The following SLC2A13 variants were observed in gnomAD, a reference collection of about 807,000 sequenced individuals.
SLC2A13 encodes the protein solute carrier family 2 member 13, also known as proton myo-inositol cotransporter.
SLC2A13 carries 32 observed loss-of-function variants against 64.4 expected under a neutral mutation model. The ratio of observed to expected loss-of-function variants is 0.50; its 90% confidence interval spans 0.37 to 0.67. SLC2A13 has a LOEUF of 0.67. Ranked by LOEUF, SLC2A13 falls within the 30% of genes least tolerant of loss-of-function variation. The probability of loss-of-function intolerance (pLI) is 0.00; values close to 1 mark genes in which losing one functional copy is unlikely to be tolerated. For missense variants in SLC2A13, 743 were observed against 829.2 expected, an observed-to-expected ratio of 0.90 and a Z score of 1.28; for synonymous variants, 338 against 327.1, an observed-to-expected ratio of 1.03 and a Z score of -0.36.
chr12:39,999,321 T>A (rs887261789), intron 3 of SLC2A13, among the ~76,000 whole-genome samples: 1 of 152,162 alleles, frequency 6.6e-6, no homozygotes, highest in African/African-American at 2.4e-5. Context: ...AAGAGCCATA[T>A]TTTTCTTCTT....
chr12:40,097,755 G>A (rs1939000851), intron 1 of SLC2A13, among the ~76,000 whole-genome samples: 1 of 152,136 alleles, frequency 6.6e-6, no homozygotes, highest in Non-Finnish European at 1.5e-5. Flanking sequence ...TTGAGAAATT[G>A]GAACCCTGTA....
chr12:39,840,652 T>C (rs1943156690), intron 6 of SLC2A13, among the ~76,000 whole-genome samples: 1 of 152,064 alleles, frequency 6.6e-6, no homozygotes, highest in African/African-American at 2.4e-5. Context: ...TGTTCCTCTA[T>C]GCAACTTCCT....
intron 6 of SLC2A13, chr12:39,830,609 A>G: frequency 2.7e-6 from 1 of 373,802 alleles, no homozygotes; most frequent in Non-Finnish European, 3.7e-6. Flanking sequence ...AGTTGCATCA[A>G]AGCATTCATT....
chr12:39,894,235 T>C (rs1056853619), intron 4 of SLC2A13, among the ~76,000 whole-genome samples: 1 of 152,236 alleles, frequency 6.6e-6, no homozygotes, highest in African/African-American at 2.4e-5. Flanking sequence ...GTAAGTAACA[T>C]GACTATCTTA....
intron 3 of SLC2A13, among the ~76,000 whole-genome samples, chr12:39,973,650 C>G (rs1464471038): frequency 6.6e-6 from 1 of 152,186 alleles, no homozygotes; most frequent in Non-Finnish European, 1.5e-5. Context: ...CAGCATTCCC[C>G]CCTTCATGAA....
At chr12:40,030,026 C>A (rs778063774) in intron 2 of SLC2A13, among the ~76,000 whole-genome samples, 8 of 152,160 alleles carry the variant, frequency 5.3e-5, no homozygotes, top group Non-Finnish European at 7.4e-5. Flanking sequence ...AGTTAACTTG[C>A]ACACAGTAGG....
intron 3 of SLC2A13, among the ~76,000 whole-genome samples, chr12:39,957,799 C>A (rs28370694): frequency 0.011 from 1,645 of 152,222 alleles, 22 homozygotes; most frequent in African/African-American, 0.037. Context: ...GGCCAAGAAT[C>A]CCCTAGTTCC....
chr12:39,796,643 C>T (rs1336986511), intron 7 of SLC2A13, among the ~76,000 whole-genome samples: 1 of 152,054 alleles, frequency 6.6e-6, no homozygotes, highest in African/African-American at 2.4e-5. Flanking sequence ...AGAGGAAACC[C>T]AGGCCTTAGA....
intron 6 of SLC2A13, among the ~76,000 whole-genome samples, chr12:39,837,310 C>T (rs1463767123): frequency 6.8e-6 from 1 of 147,072 alleles, no homozygotes; most frequent in Non-Finnish European, 1.5e-5. Context: ...AAACTGGATC[C>T]CTTCCTTACA....
chr12:40,054,467 T>A (rs1244947104), intron 1 of SLC2A13, among the ~76,000 whole-genome samples: 1 of 150,084 alleles, frequency 6.7e-6, no homozygotes, highest in Non-Finnish European at 1.5e-5. Flanking sequence ...ATTAACAGCT[T>A]ATTAGAGTAA....
intron 2 of SLC2A13, among the ~76,000 whole-genome samples, chr12:40,040,337 AC>A (rs1948063778): frequency 6.6e-6 from 1 of 152,168 alleles, no homozygotes. Context: ...TTCCCACCAC[AC>A]TGTAATATCT....
intron 1 of SLC2A13, among the ~76,000 whole-genome samples, chr12:40,067,936 C>A (rs1937799152): frequency 6.6e-6 from 1 of 152,132 alleles, no homozygotes; most frequent in African/African-American, 2.4e-5. Flanking sequence ...AAGGGTCTCA[C>A]TCTGTCACCG....
intron 3 of SLC2A13, among the ~76,000 whole-genome samples, chr12:40,018,538 T>C (rs1449312820): frequency 1.3e-5 from 2 of 152,214 alleles, no homozygotes; most frequent in African/African-American, 4.8e-5. Flanking sequence ...CCAGCATCTA[T>C]TGGACTAAGC....
intron 7 of SLC2A13, among the ~76,000 whole-genome samples, chr12:39,802,638 T>C (rs1941832016): frequency 1.3e-5 from 2 of 152,230 alleles, no homozygotes; most frequent in Admixed American, 1.3e-4. Context: ...TTTATCTGTC[T>C]AGAACTATAT....
intron 7 of SLC2A13, among the ~76,000 whole-genome samples, chr12:39,812,396 C>T (rs1001799194): frequency 4.5e-4 from 52 of 115,558 alleles, no homozygotes; most frequent in Middle Eastern, 3.9e-3. Flanking sequence ...CTTTCTCTCT[C>T]TCTTTCTTCC....
chr12:39,757,523 G>A lies in SLC2A13; in HGVS notation c.*2503C>T, dbSNP rs1320226600. Reference sequence around the variant, plus strand: ...AAAAATAATACCCTAATTGTATAAGGTTCCTTTTCAAGTAATTGTTTCTAA... The same window carrying A: ...AAAAATAATACCCTAATTGTATAAGATTCCTTTTCAAGTAATTGTTTCTAA... On this transcript the variant is annotated 3_prime_UTR_variant, in exon 10 of 10. Transcript: ENST00000280871. The A allele has an allele frequency of 6.6e-6, 1 of 151,446 alleles. No individual in the cohort carries two copies. Among genetic ancestry groups the A allele is most frequent in the Non-Finnish European group, 1.5e-5 (1 of 67,638 alleles). The allele number at this position is 151,446 out of a possible 1,614,324, so 9.4% of individuals were successfully genotyped here.
At chr12:39,814,630 G>C (rs1942286529) in intron 7 of SLC2A13, among the ~76,000 whole-genome samples, 1 of 152,140 alleles carries the variant, frequency 6.6e-6, no homozygotes. Context: ...ATTTTAAAGA[G>C]AGGAAAAACA....
In SLC2A13 at chr12:39,998,114, C is replaced by T. The variant is rs890274773; in HGVS notation, c.925+30187G>A. ...AATTAGCAACTGCAAAAATGTGGAA[C>T]CAACCCTAACACCCATCAATCAGCG... On this transcript the variant is annotated intron_variant, in intron 3 of 9. Coordinates refer to ENST00000280871, the MANE Select transcript of SLC2A13 (RefSeq NM_052885.4). 5.3e-5 allele frequency among the ~76,000 whole-genome samples: 8 copies of T among 152,222 alleles called. 1 individual carries two copies. In the South Asian group the frequency reaches 8.3e-4, roughly 16 times the overall value.
chr12:39,976,782 G>A (rs1439594166), intron 3 of SLC2A13, among the ~76,000 whole-genome samples: 1 of 152,054 alleles, frequency 6.6e-6, no homozygotes, highest in Non-Finnish European at 1.5e-5. Flanking sequence ...TATATAAGAT[G>A]TTTTCATTGT....
Sources: allele counts gnomAD v4.1 joint callset (sites outside exome capture counted in the v4.1 genomes callset), GRCh38; gene constraint gnomAD v4.1.1; transcripts MANE v1.5; gene names NCBI Gene and HGNC (gene_info 2026-07-23, HGNC 2026-07-21).